The following GRID2IP variants were observed in gnomAD, a reference collection of about 807,000 sequenced individuals.
The protein encoded by GRID2IP is delphilin.
Under a neutral mutation model 114.3 loss-of-function variants are expected in GRID2IP, and 78 were observed. That is an observed-to-expected ratio of 0.68 (90% CI 0.57 to 0.82). The LOEUF is 0.82. Ranked by LOEUF, GRID2IP falls within the 40% of genes least tolerant of loss-of-function variation. The pLI, the probability that GRID2IP is intolerant of heterozygous loss-of-function variation, is 0.00. For missense variants in GRID2IP, 1,727 were observed against 1,678.5 expected (o/e 1.03, Z -0.51); for synonymous variants, 809 against 724.0 (o/e 1.12, Z -1.89).
intron 8 of GRID2IP, among the ~76,000 whole-genome samples, chr7:6,512,231 C>CTTTTTTCTTTTTTTTTTTTT (rs1779186760): frequency 1.1e-5 from 1 of 90,196 alleles, no homozygotes; most frequent in Non-Finnish European, 2.1e-5. Context: ...TTCTTTTCTT[C>CTTTTTTCTTTTTTTTTTTTT]TTTTTTTTTT....
intron 8 of GRID2IP, among the ~76,000 whole-genome samples, chr7:6,512,318 C>G (rs964855838): frequency 6.1e-5 from 9 of 146,952 alleles, no homozygotes; most frequent in Admixed American, 2.1e-4. Context: ...GAATCCCAGG[C>G]TCAACAGATC....
chr7:6,510,262 T>G (rs1162500103), intron 11 of GRID2IP, 21 bp downstream of exon 11: 2 of 1,470,504 alleles, frequency 1.4e-6, no homozygotes, highest in Non-Finnish European at 1.8e-6. Flanking sequence ...AGACAGTAGA[T>G]GACAGAGGCT....
intron 2 of GRID2IP, among the ~76,000 whole-genome samples, chr7:6,537,942 CT>C (rs897140784): frequency 2.0e-5 from 3 of 152,142 alleles, no homozygotes; most frequent in African/African-American, 7.2e-5. Flanking sequence ...TGCTGTGTGG[CT>C]TCAGGCCAGC....
chr7:6,511,418 G>C (rs1290515691), intron 8 of GRID2IP, among the ~76,000 whole-genome samples: 1 of 152,130 alleles, frequency 6.6e-6, no homozygotes, highest in Non-Finnish European at 1.5e-5. Context: ...TGTTGCCCAG[G>C]TGGGAGTGCA....
In GRID2IP at chr7:6,534,282, C is replaced by G. The variant is rs1779686910; in HGVS notation, c.584+5436G>C. Among the ~76,000 whole-genome samples, 8 of 152,160 alleles carry G rather than the reference C, an allele frequency of 5.3e-5. No homozygotes were observed. The South Asian group carries it at 1.7e-3, about 32-fold the overall frequency. ...CCCCTGACCTGACACCCCGTTCCCC[C>G]CACGCCACCACTCATATTTCCTGAA... On this transcript the variant is annotated intron_variant, in intron 2 of 21. Transcript: ENST00000457091. This position sits in a 1 kb window ranked among gnomAD's most constrained non-coding sequence, Gnocchi z 4.5.
In GRID2IP at chr7:6,506,046, A is replaced by AGGAGGAGACT; in HGVS notation, c.2545-149_2545-140dup. ...CAGGTGCTGGGATAAAGCCCGGAGC[A>AGGAGGAGACT]GGAGGAGACTGCAGGAGAAGCCAGA... On this transcript the variant is annotated intron_variant, in intron 13 of 21. Coordinates refer to ENST00000457091, the MANE Select transcript of GRID2IP (RefSeq NM_001145118.2). This position sits in a 1 kb window ranked among gnomAD's most constrained non-coding sequence, Gnocchi z 5.2. The AGGAGGAGACT allele has an allele frequency of 3.2e-6, 2 of 629,046 alleles. No homozygotes were observed. Among genetic ancestry groups the AGGAGGAGACT allele is most frequent in the East Asian group, 5.5e-5 (2 of 36,594 alleles). The allele number at this position is 629,046 out of a possible 1,614,324, so 39.0% of individuals were successfully genotyped here.
At position 6,508,389 on chromosome 7, in the gene GRID2IP, C is replaced by T; in HGVS notation, c.2140G>A (p.Asp714Asn). The T allele has an allele frequency of 6.4e-7, 1 of 1,551,320 alleles. No individual in the cohort carries two copies. The highest frequency in any genetic ancestry group is 8.7e-7 in the Non-Finnish European group (1 of 1,147,056). Residue 714 changes from aspartate to asparagine, a missense_variant, in exon 13 of 22, where the codon GAT becomes AAT. Transcript: ENST00000457091. This position sits in a 1 kb window ranked among gnomAD's most constrained non-coding sequence, Gnocchi z 5.6. ...ENDYEEMSFH[D>N]DQGSFVTNER... The stretch of plus-strand genomic sequence containing the variant: ...TTGGTTACGAAGCTGCCCTGGTCAT[C>T]ATGGAAGCTCATCTGGTGGTGGGGA...
rs1779549355 is a variant in GRID2IP at position 6,528,042 on chromosome 7, C to T, written c.585-1273G>A. On this transcript the variant is annotated intron_variant, in intron 2 of 21. Transcript: ENST00000457091. The surrounding 1 kb of genome is among the most constrained non-coding windows in gnomAD (Gnocchi z 6.0). ...CAAAGTCCTGGGATTAGACGTGAGC[C>T]ACTGTGCCCGGCATTTTTTTTTCTT... is the stretch of plus-strand genomic sequence containing the variant. 6.6e-6 allele frequency among the ~76,000 whole-genome samples: 1 copy of T among 151,944 alleles called. No individual in the cohort carries two copies. The highest frequency in any genetic ancestry group is 1.5e-5 in the Non-Finnish European group (1 of 67,988).
chr7:6,544,087 G>A (rs1050263890), intron 1 of GRID2IP, among the ~76,000 whole-genome samples: 5 of 152,086 alleles, frequency 3.3e-5, no homozygotes, highest in East Asian at 3.9e-4. Flanking sequence ...CTGAGCCATC[G>A]TGCCTGGCCT....
rs557365036 is a variant in GRID2IP, at chr7:6,509,297, G to A, written c.1788C>T (p.Ser596=). 110 of 1,521,748 alleles carry A rather than the reference G, an allele frequency of 7.2e-5. No homozygotes were observed. The highest frequency in any genetic ancestry group is 5.7e-4 in the South Asian group (45 of 78,562). The allele number at this position is 1,521,748 out of a possible 1,614,324, so 94.3% of individuals were successfully genotyped here. A position where few individuals can be genotyped will look rare whatever the true frequency, so the allele number is the denominator to read the frequency against. Residue 596 remains serine (S), a synonymous_variant, in exon 12 of 22, where the codon TCC becomes TCT. Coordinates refer to ENST00000457091, the MANE Select transcript of GRID2IP (RefSeq NM_001145118.2). This position sits in a 1 kb window ranked among gnomAD's most constrained non-coding sequence, Gnocchi z 4.9. Reference sequence around the variant, plus strand: ...GTCGCTCGCTGGGCCATGAGACGCCGGACAGGGTCCTGGGCCCTGGAGGAG... The same window carrying A: ...GTCGCTCGCTGGGCCATGAGACGCCAGACAGGGTCCTGGGCCCTGGAGGAG... The part of the protein sequence containing the change: ...PAVTTGPRTL[S]GVSWPSERLL...
intron 15 of GRID2IP, 54 bp from the exon 16 acceptor site, chr7:6,503,741 G>A: frequency 7.4e-7 from 1 of 1,343,412 alleles, no homozygotes; most frequent in Non-Finnish European, 9.8e-7. Flanking sequence ...GGCCGGATGG[G>A]ACCCAAGACG....
At chr7:6,550,165 A>ATT (rs905214258) in intron 1 of GRID2IP, among the ~76,000 whole-genome samples, 1 of 150,274 alleles carries the variant, frequency 6.7e-6, no homozygotes, top group Admixed American at 6.7e-5. Context: ...CTAGTTTTTG[A>ATT]TTTTTTTTGT....
intron 2 of GRID2IP, among the ~76,000 whole-genome samples, chr7:6,530,221 G>C (rs1237083094): frequency 1.3e-5 from 2 of 152,008 alleles, no homozygotes; most frequent in Non-Finnish European, 2.9e-5. Context: ...GCCTCCCAAA[G>C]TGCTGGGATT....
At position 6,498,046 on chromosome 7, in the gene GRID2IP, G is replaced by A; in HGVS notation, c.3564+18C>T. ...CCACCTCTCCAAAAGGGCCCCTCAG[G>A]GCTCCAGCGAGGCTCACCTCGAATT... is the stretch of plus-strand genomic sequence containing the variant. On this transcript the variant is annotated intron_variant, in intron 21 of 21. Transcript: ENST00000457091. 2 of 1,532,888 alleles carry A rather than the reference G, an allele frequency of 1.3e-6. No individual in the cohort carries two copies. The highest frequency in any genetic ancestry group is 1.8e-6 in the Non-Finnish European group (2 of 1,137,954). 95.0% of individuals were successfully genotyped at this position (1,532,888 alleles called of 1,614,324 possible).
At position 6,508,007 on chromosome 7, in the gene GRID2IP, G is replaced by C; in HGVS notation, c.2522C>G (p.Ser841Ter). The C allele has an allele frequency of 6.5e-7, 1 of 1,549,960 alleles. No homozygotes were observed. The highest frequency in any genetic ancestry group is 8.7e-7 in the Non-Finnish European group (1 of 1,146,794). ...KRLRWEQVEN[S>*]EGTIWGQLGE... Reference sequence around the variant, plus strand: ...TACCTGACCCCAGATGGTGCCTTCTGAGTTCTCCACCTGTTCCCACCGCAA... The same window carrying C: ...TACCTGACCCCAGATGGTGCCTTCTCAGTTCTCCACCTGTTCCCACCGCAA... Residue 841 changes from serine (S) to a stop codon, truncating the protein, a stop_gained, in exon 13 of 22, where the codon TCA (serine) becomes TGA (stop). Coordinates refer to ENST00000457091, the MANE Select transcript of GRID2IP (RefSeq NM_001145118.2). LOFTEE classifies it high-confidence loss of function. This position sits in a 1 kb window ranked among gnomAD's most constrained non-coding sequence, Gnocchi z 5.6.
intron 7 of GRID2IP, 24 bp from the exon 8 acceptor site, chr7:6,514,553 A>T (rs1196503969): frequency 6.7e-7 from 1 of 1,489,546 alleles, no homozygotes; most frequent in East Asian, 2.5e-5. Context: ...CAGGAATGTG[A>T]GGCTCAATAC....
chr7:6,509,095 G>C lies in GRID2IP; in HGVS notation c.1990C>G (p.Arg664Gly). Residue 664 changes from arginine to glycine, a missense_variant, in exon 12 of 22, where the codon CGC becomes GGC. Transcript: ENST00000457091. The surrounding 1 kb of genome is among the most constrained non-coding windows in gnomAD (Gnocchi z 4.9). ...PSPDPTRPPS[R>G]RKLFTFSHPV... ...TGGGAGAAGGTGAAGAGCTTCCTGC[G>C]GCTGGGCGGGCGGGTGGGGTCCGGG... 1 of 1,481,898 alleles carries C rather than the reference G, an allele frequency of 6.7e-7. No individual in the cohort carries two copies. 91.8% of individuals were successfully genotyped at this position (1,481,898 alleles called of 1,614,324 possible).
chr7:6,503,486 G>A lies in GRID2IP; in HGVS notation c.2907+5C>T, dbSNP rs1456250151. ...GGCCTCGGGGCGGGGTTGTGGTCGC[G>A]GCACCTGCAGGACGAACTGGTCCGG... On this transcript the variant is annotated splice_donor_5th_base_variant and intron_variant, in intron 16 of 21. Transcript: ENST00000457091. 4.6e-6 allele frequency: 7 copies of A among 1,517,326 alleles called. No homozygotes were observed. In the South Asian group the frequency reaches 6.0e-5, roughly 13 times the overall value. 94.0% of individuals were successfully genotyped at this position (1,517,326 alleles called of 1,614,324 possible).
At chr7:6,543,258 C>G (rs1779840235) in intron 1 of GRID2IP, among the ~76,000 whole-genome samples, 1 of 152,054 alleles carries the variant, frequency 6.6e-6, no homozygotes, top group African/African-American at 2.4e-5. Context: ...AGCTGAGCAT[C>G]TGATGGCAAA....
Sources: gnomAD v4.1 joint callset for allele counts (sites outside exome capture counted in the v4.1 genomes callset) on GRCh38, gnomAD v4.1.1 for gene constraint, Gnocchi (gnomAD v3.1) non-coding constraint, MANE v1.5 for transcripts, NCBI Gene and HGNC (gene_info 2026-07-23, HGNC 2026-07-21) for gene names.